Variants in BMP2K observed in about 807,000 individuals in gnomAD.
BMP2K encodes BMP-2-inducible protein kinase.
Under a neutral mutation model 116.0 loss-of-function variants are expected in BMP2K, and 74 were observed. That is an observed-to-expected ratio of 0.64 (90% confidence interval 0.53 to 0.77). The LOEUF is 0.77. BMP2K is among the 30% of genes least tolerant of loss of function. The pLI is 0.00. For missense variants in BMP2K, 1,365 were observed against 1,403.6 expected (o/e 0.97, Z 0.44); for synonymous variants, 486 against 502.5 (o/e 0.97, Z 0.44).
intron 15 of BMP2K, among the ~76,000 whole-genome samples, chr4:78,890,406 A>G (rs200149958): frequency 1.1e-3 from 132 of 122,914 alleles, no homozygotes; most frequent in East Asian, 3.3e-3. Flanking sequence ...AATCATGCGC[A>G]CACACACACA....
intron 1 of BMP2K, among the ~76,000 whole-genome samples, chr4:78,809,931 A>AT (rs1428177239): frequency 6.6e-6 from 1 of 152,082 alleles, no homozygotes; most frequent in Non-Finnish European, 1.5e-5. Flanking sequence ...ATGTCTTATA[A>AT]TTTTTTGTTG....
intron 1 of BMP2K, among the ~76,000 whole-genome samples, chr4:78,787,077 C>G (rs937761395): frequency 6.6e-6 from 1 of 152,062 alleles, no homozygotes; most frequent in Admixed American, 6.6e-5. Flanking sequence ...TTATCTCTTG[C>G]AGTGCTGTAC....
At chr4:78,825,179 G>C (rs965891088) in intron 1 of BMP2K, among the ~76,000 whole-genome samples, 4 of 152,126 alleles carry the variant, frequency 2.6e-5, no homozygotes, top group African/African-American at 9.7e-5. Context: ...ACTCCAGCCT[G>C]GGCAACAAGA....
chr4:78,859,430 C>A, intron 7 of BMP2K, 154 bp from the exon 8 acceptor site: 1 of 487,050 alleles, frequency 2.1e-6, no homozygotes, highest in Non-Finnish European at 3.6e-6. Flanking sequence ...ATAGCAATTT[C>A]TGCATTTTCT....
chr4:78,900,536 A>G (rs1733944083), intron 15 of BMP2K, among the ~76,000 whole-genome samples: 1 of 152,222 alleles, frequency 6.6e-6, no homozygotes, highest in Admixed American at 6.5e-5. Context: ...GACTGGGAAT[A>G]GCTGTAAATA....
rs192004635 is a variant in BMP2K at position 78,831,824 on chromosome 4, A to C, written c.298-1758A>C. The stretch of plus-strand genomic sequence containing the variant: ...ATTTCCTCCTTTTCTAGGGTTACAT[A>C]TGCTCAGTGCTCTGGATGGCTTCTT... On this transcript the variant is annotated intron_variant, in intron 2 of 15. Transcript: ENST00000502613. Among the ~76,000 whole-genome samples, 22 of 152,322 alleles carry C rather than the reference A, an allele frequency of 1.4e-4. 1 individual carries two copies. Among genetic ancestry groups the C allele is most frequent in the Admixed American group, 1.4e-3 (21 of 15,308 alleles).
chr4:78,847,143 T>C, intron 5 of BMP2K, 45 bp from the exon 6 acceptor site: 2 of 961,028 alleles, frequency 2.1e-6, no homozygotes, highest in Non-Finnish European at 1.4e-6. Context: ...CTTTTTTTTA[T>C]ATATATATAT....
At chr4:78,813,765 A>G (rs753134534) in intron 1 of BMP2K, among the ~76,000 whole-genome samples, 10 of 151,868 alleles carry the variant, frequency 6.6e-5, no homozygotes, top group South Asian at 6.2e-4. Flanking sequence ...TCCCAACACA[A>G]TTTTCCAAGG....
intron 6 of BMP2K, among the ~76,000 whole-genome samples, chr4:78,848,087 CT>C (rs1429256648): frequency 6.6e-6 from 1 of 151,418 alleles, no homozygotes; most frequent in East Asian, 1.9e-4. Context: ...CTTGGTTTTC[CT>C]TTCCTGGCCT....
At chr4:78,781,679 A>G (rs1233809020) in intron 1 of BMP2K, among the ~76,000 whole-genome samples, 4 of 152,132 alleles carry the variant, frequency 2.6e-5, no homozygotes, top group African/African-American at 4.8e-5. Flanking sequence ...AAGGACTCCT[A>G]TAGTGCATTG....
intron 1 of BMP2K, among the ~76,000 whole-genome samples, chr4:78,819,114 A>G (rs1937198471): frequency 6.6e-6 from 1 of 152,192 alleles, no homozygotes; most frequent in Non-Finnish European, 1.5e-5. Context: ...AAGATGGAAA[A>G]AAATGTTCCG....
At chr4:78,869,742 C>T (rs1732239790) in intron 10 of BMP2K, among the ~76,000 whole-genome samples, 1 of 152,082 alleles carries the variant, frequency 6.6e-6, no homozygotes, top group Non-Finnish European at 1.5e-5. Context: ...CACTTAAAGG[C>T]TAATGATGGT....
intron 1 of BMP2K, among the ~76,000 whole-genome samples, chr4:78,819,473 G>T (rs1484576986): frequency 6.6e-6 from 1 of 152,186 alleles, no homozygotes; most frequent in East Asian, 1.9e-4. Context: ...ATTCTTTAGA[G>T]TAGTCCTATG....
intron 1 of BMP2K, among the ~76,000 whole-genome samples, chr4:78,825,665 C>T (rs907631902): frequency 1.3e-5 from 2 of 152,264 alleles, no homozygotes; most frequent in African/African-American, 4.8e-5. Context: ...TGTTGAATAA[C>T]GTCAGTGTTT....
intron 1 of BMP2K, among the ~76,000 whole-genome samples, chr4:78,796,860 A>G (rs1182093148): frequency 6.6e-6 from 1 of 152,206 alleles, no homozygotes; most frequent in Non-Finnish European, 1.5e-5. Context: ...TCTGCTAAAA[A>G]AAGTTATTAC....
At chr4:78,836,284 G>C (rs1011783119) in intron 3 of BMP2K, among the ~76,000 whole-genome samples, 2 of 152,028 alleles carry the variant, frequency 1.3e-5, no homozygotes, top group Non-Finnish European at 1.5e-5. Context: ...GGGCGTAGTG[G>C]TGGACGCCTG....
At chr4:78,891,886 G>A (rs542563603) in intron 15 of BMP2K, among the ~76,000 whole-genome samples, 2 of 152,150 alleles carry the variant, frequency 1.3e-5, no homozygotes, top group Admixed American at 6.5e-5. Context: ...AGATTACTGA[G>A]TCTAAAATGT....
At chr4:78,890,587 CTG>C (rs1733381524) in intron 15 of BMP2K, among the ~76,000 whole-genome samples, 1 of 152,182 alleles carries the variant, frequency 6.6e-6, no homozygotes, top group Non-Finnish European at 1.5e-5. Context: ...GAGTTAATTA[CTG>C]TGTTTATAAT....
At chr4:78,778,076 T>C (rs1727333360) in intron 1 of BMP2K, among the ~76,000 whole-genome samples, 1 of 152,226 alleles carries the variant, frequency 6.6e-6, no homozygotes, top group African/African-American at 2.4e-5. Context: ...GATTGTGTTG[T>C]AGGTTTTAAA....
Sources: gnomAD v4.1 joint callset for allele counts (sites outside exome capture counted in the v4.1 genomes callset) on GRCh38, gnomAD v4.1.1 for gene constraint, MANE v1.5 for transcripts, NCBI Gene and HGNC (gene_info 2026-07-23, HGNC 2026-07-21) for gene names.